ADGRV1: variants seen among roughly 807,000 people sequenced by gnomAD.
ADGRV1 encodes the protein G-protein coupled receptor 98.
A neutral mutation model predicts 596.2 loss-of-function variants in ADGRV1; 359 were observed. That is an observed-to-expected ratio of 0.60 (90% CI 0.55 to 0.66). The LOEUF (loss-of-function observed/expected upper bound fraction) is 0.66, where lower values mean the gene tolerates loss of function less well. Among genes scored for constraint, ADGRV1 ranks in the 30% least tolerant of loss-of-function variants. ADGRV1 has a pLI of 0.00. For missense variants in ADGRV1, 7,274 were observed against 7,575.6 expected, an observed-to-expected ratio of 0.96 and a Z score of 1.48; for synonymous variants, 2,681 against 2,679.2, an observed-to-expected ratio of 1.00 and a Z score of -0.02.
chr5:90,795,164 G>A (rs1760551339), intron 70 of ADGRV1, among the ~76,000 whole-genome samples: 1 of 148,960 alleles, frequency 6.7e-6, no homozygotes, highest in African/African-American at 2.5e-5. Flanking sequence ...TCACTCCCCT[G>A]GAGAGGGGGC....
At chr5:90,718,402 ACT>A (rs1193388486) in intron 43 of ADGRV1, 2 of 152,066 alleles carry the variant, frequency 1.3e-5, no homozygotes, top group African/African-American at 2.4e-5. Context: ...CCACCTTTTG[ACT>A]CTTGTCAATA....
chr5:90,755,208 G>T, intron 55 of ADGRV1, 23 bp downstream of exon 55: 1 of 1,540,128 alleles, frequency 6.5e-7, no homozygotes. Flanking sequence ...TGCAAAGAAT[G>T]TGATCTAAAA....
chr5:90,950,707 G>C (rs1179737099), intron 83 of ADGRV1, among the ~76,000 whole-genome samples: 1 of 152,162 alleles, frequency 6.6e-6, no homozygotes, highest in African/African-American at 2.4e-5. Context: ...AAAATTTTGA[G>C]TAACTTAAAC....
chr5:90,675,817 AAAAAG>A (rs1294697623), intron 24 of ADGRV1, among the ~76,000 whole-genome samples: 4 of 151,918 alleles, frequency 2.6e-5, no homozygotes, highest in African/African-American at 7.2e-5. Flanking sequence ...AGAAAAATAA[AAAAAG>A]AAAAGAAAAG....
chr5:90,618,184 G>A (rs1580467857), intron 3 of ADGRV1, among the ~76,000 whole-genome samples: 1 of 152,198 alleles, frequency 6.6e-6, no homozygotes, highest in Non-Finnish European at 1.5e-5. Context: ...CAGCTTACTC[G>A]GGAATTGCCA....
chr5:90,755,244 T>C (rs534817910), intron 55 of ADGRV1, 59 bp downstream of exon 55: 1 of 1,108,094 alleles, frequency 9.0e-7, no homozygotes, highest in South Asian at 1.6e-5. Flanking sequence ...TTAAGTAAAA[T>C]TGTGATGCTC....
chr5:90,764,213 C>T (rs1474445628), intron 59 of ADGRV1, among the ~76,000 whole-genome samples: 2 of 152,182 alleles, frequency 1.3e-5, no homozygotes, highest in African/African-American at 4.8e-5. Flanking sequence ...AGTGCAGCTG[C>T]AGGCCACAGA....
intron 84 of ADGRV1, among the ~76,000 whole-genome samples, chr5:90,978,016 A>G (rs963402724): frequency 1.3e-5 from 2 of 152,006 alleles, no homozygotes; most frequent in African/African-American, 4.8e-5. Flanking sequence ...ATTTGTTTTG[A>G]CTGGGCACGG....
chr5:91,152,140 A>G (rs547689325), intron 88 of ADGRV1, among the ~76,000 whole-genome samples: 3 of 152,230 alleles, frequency 2.0e-5, no homozygotes, highest in African/African-American at 4.8e-5. Context: ...CCTCAGAGGC[A>G]TAGAATTGGC....
chr5:90,792,655 G>A (rs917755691), intron 70 of ADGRV1: 9 of 152,152 alleles, frequency 5.9e-5, no homozygotes, highest in African/African-American at 1.9e-4. Context: ...CACAAAAACA[G>A]CGCCAGACTT....
chr5:90,572,894 C>T (rs1442718103), intron 1 of ADGRV1, among the ~76,000 whole-genome samples: 1 of 152,094 alleles, frequency 6.6e-6, no homozygotes, highest in Non-Finnish European at 1.5e-5. Flanking sequence ...CATGCCCTTC[C>T]TCACCTACCA....
chr5:91,124,992 C>T (rs1001094208), intron 87 of ADGRV1, among the ~76,000 whole-genome samples: 1 of 152,116 alleles, frequency 6.6e-6, no homozygotes, highest in African/African-American at 2.4e-5. Flanking sequence ...GAGAGAGAGC[C>T]AAAGACAGTC....
At chr5:90,589,144 G>A (rs1759152377) in intron 1 of ADGRV1, among the ~76,000 whole-genome samples, 1 of 152,050 alleles carries the variant, frequency 6.6e-6, no homozygotes, top group Admixed American at 6.6e-5. Context: ...GGGTGGAGTG[G>A]GTGGTATAAC....
chr5:90,586,899 G>C (rs565985300), intron 1 of ADGRV1, among the ~76,000 whole-genome samples: 1 of 152,100 alleles, frequency 6.6e-6, no homozygotes, highest in Non-Finnish European at 1.5e-5. Flanking sequence ...TACCTCATTA[G>C]CTGGAATTTT....
chr5:90,710,913 A>G, intron 39 of ADGRV1, 68 bp from the exon 40 acceptor site: 1 of 920,686 alleles, frequency 1.1e-6, no homozygotes. Context: ...GACTGTCTTT[A>G]AATCCTATAT....
chr5:90,706,638 T>G (rs562383171), intron 38 of ADGRV1, among the ~76,000 whole-genome samples: 9 of 151,820 alleles, frequency 5.9e-5, no homozygotes, highest in Non-Finnish European at 1.2e-4. Context: ...ATAACATAAG[T>G]GGTAACATTT....
intron 8 of ADGRV1, 175 bp downstream of exon 8, chr5:90,629,007 C>A: frequency 1.4e-6 from 1 of 701,666 alleles, no homozygotes; most frequent in Non-Finnish European, 2.2e-6. Flanking sequence ...ATTTTACCCT[C>A]TAAAAAATTC....
chr5:90,967,022 A>C (rs1778531817), intron 84 of ADGRV1, among the ~76,000 whole-genome samples: 1 of 152,140 alleles, frequency 6.6e-6, no homozygotes, highest in East Asian at 1.9e-4. Context: ...TTAATGGTAA[A>C]AGGAGAAAGA....
chr5:90,725,699 T>G, intron 48 of ADGRV1, 43 bp downstream of exon 48: 2 of 1,023,234 alleles, frequency 2.0e-6, no homozygotes, highest in Non-Finnish European at 3.0e-6. Context: ...TTTGCTTTTC[T>G]TTTTAACATT....
Sources: allele counts gnomAD v4.1 joint callset (sites outside exome capture counted in the v4.1 genomes callset), GRCh38; gene constraint gnomAD v4.1.1; transcripts MANE v1.5; gene names NCBI Gene and HGNC (gene_info 2026-07-23, HGNC 2026-07-21).